SULF2: variants seen among roughly 807,000 people sequenced by gnomAD.
SULF2 encodes the protein extracellular sulfatase Sulf-2.
A neutral mutation model predicts 107.7 loss-of-function variants in SULF2; 52 were observed. That is an observed-to-expected ratio of 0.48 (90% CI 0.39 to 0.61). The LOEUF is 0.61. Among genes scored for constraint, SULF2 ranks in the 20% least tolerant of loss-of-function variants. The pLI, the probability that SULF2 is intolerant of heterozygous loss-of-function variation, is 0.00. For missense variants in SULF2, 993 were observed against 1,177.3 expected (o/e 0.84, Z 2.29); for synonymous variants, 460 against 464.3 (o/e 0.99, Z 0.12).
At chr20:47,677,633 T>C (rs1318136677) in intron 8 of SULF2, among the ~76,000 whole-genome samples, 1 of 152,176 alleles carries the variant, frequency 6.6e-6, no homozygotes, top group African/African-American at 2.4e-5. Flanking sequence ...TGGGAGTATT[T>C]TCTTCTTTGG....
At chr20:47,688,301 AC>A (rs2088082777) in intron 5 of SULF2, among the ~76,000 whole-genome samples, 1 of 151,892 alleles carries the variant, frequency 6.6e-6, no homozygotes, top group African/African-American at 2.4e-5. Context: ...AAATGATTAT[AC>A]TCCAGAGATG....
rs776975616 is a variant in SULF2, at chr20:47,736,750, T to C, written c.368A>G (p.Glu123Gly). 1.2e-6 allele frequency: 2 copies of C among 1,614,258 alleles called. No homozygotes were observed. The highest frequency in any genetic ancestry group is 3.3e-5 in the Admixed American group (2 of 60,034). Residue 123 changes from glutamate (E) to glycine (G), a missense_variant, in exon 3 of 21, where the codon GAG becomes GGG. By Grantham distance (98) the Glu-to-Gly change is moderately conservative. This residue lies in a region of SULF2 where 388 missense variants were observed against 449.2 expected (regional missense o/e 0.86). Coordinates refer to ENST00000688720, the MANE Select transcript of SULF2 (RefSeq NM_001387048.1). Reference protein sequence around the residue: ...CSSPSWQAQHESRTFAVYLNS... With the variant: ...CSSPSWQAQHGSRTFAVYLNS... ...GAGGTACACGGCAAAGGTGCGGCTC[T>C]CGTGCTGTGCCTGCCAGGAGGGCGA...
At position 47,666,469 on chromosome 20, in the gene SULF2, G is replaced by A; in HGVS notation, c.1596C>T (p.Val532=). The change falls in exon 12 of 21, where the codon GTC becomes GTT. Residue 532 remains valine (V), a synonymous_variant. Transcript: ENST00000688720. This position sits in a 1 kb window ranked among gnomAD's most constrained non-coding sequence, Gnocchi z 5.4. Reference sequence around the variant, plus strand: ...CCACTGAGCGGATGGAGCGACTGCGGACATAGCTGGCCTTGTACTCTGTGG... The same window carrying A: ...CCACTGAGCGGATGGAGCGACTGCGAACATAGCTGGCCTTGTACTCTGTGG... The part of the protein sequence containing the change: ...LFKKKYKASY[V]RSRSIRSVAI... 1 of 1,613,310 alleles carries A rather than the reference G, an allele frequency of 6.2e-7. No homozygotes were observed. The highest frequency in any genetic ancestry group is 1.7e-4 in the Middle Eastern group (1 of 5,982).
At chr20:47,745,779 C>T (rs1265649031) in intron 2 of SULF2, among the ~76,000 whole-genome samples, 1 of 152,012 alleles carries the variant, frequency 6.6e-6, no homozygotes, top group African/African-American at 2.4e-5. Context: ...ATCCACCTGC[C>T]TTGACCTCCC....
intron 4 of SULF2, among the ~76,000 whole-genome samples, chr20:47,693,628 T>C (rs1209842513): frequency 6.6e-6 from 1 of 152,248 alleles, no homozygotes; most frequent in Non-Finnish European, 1.5e-5. Flanking sequence ...ATGTGTATGA[T>C]ATGATATCAT....
chr20:47,742,550 T>C (rs2089909438), intron 2 of SULF2, among the ~76,000 whole-genome samples: 1 of 152,122 alleles, frequency 6.6e-6, no homozygotes, highest in Non-Finnish European at 1.5e-5. Flanking sequence ...ACTGCTAGAA[T>C]GCAGTTTCTC....
intron 10 of SULF2, among the ~76,000 whole-genome samples, chr20:47,674,126 C>G (rs1354729077): frequency 1.3e-5 from 2 of 152,236 alleles, no homozygotes; most frequent in Non-Finnish European, 2.9e-5. Flanking sequence ...AAAGCAAGAA[C>G]AAAAACAAAT....
intron 2 of SULF2, among the ~76,000 whole-genome samples, chr20:47,740,285 C>T (rs181875998): frequency 1.6e-4 from 24 of 152,248 alleles, no homozygotes; most frequent in South Asian, 4.1e-4. Flanking sequence ...CTAGCAGAGG[C>T]GGGGTGCTGA....
At chr20:47,659,814 C>T (rs2087008242) in intron 18 of SULF2, 84 bp from the exon 19 acceptor site, 6 of 1,062,438 alleles carry the variant, frequency 5.6e-6, no homozygotes, top group Non-Finnish European at 8.7e-6. Context: ...CCATCTTATG[C>T]TTTTTTGTCA....
Position 47,658,254 on chromosome 20 carries a change from C to T in SULF2, c.*108G>A. On this transcript the variant is annotated 3_prime_UTR_variant, in exon 21 of 21. Transcript: ENST00000688720. Reference sequence around the variant, plus strand: ...GAGAGTGCGTGCTTGCTTTCTCAGGCCTCCTGGCCAATACCACAGGTCTGC... The same window carrying T: ...GAGAGTGCGTGCTTGCTTTCTCAGGTCTCCTGGCCAATACCACAGGTCTGC... The T allele has an allele frequency of 1.7e-6, 2 of 1,176,390 alleles. No individual in the cohort carries two copies. Among genetic ancestry groups the T allele is most frequent in the Non-Finnish European group, 2.6e-6 (2 of 782,088 alleles). 72.9% of individuals were successfully genotyped at this position (1,176,390 alleles called of 1,614,324 possible). A position where few individuals can be genotyped will look rare whatever the true frequency, so the allele number is the denominator to read the frequency against.
chr20:47,685,690 GT>G (rs2087977650), intron 5 of SULF2: 2 of 151,580 alleles, frequency 1.3e-5, no homozygotes, highest in Non-Finnish European at 2.9e-5. Flanking sequence ...AATTCTTGTA[GT>G]TTTAGTAGAG....
chr20:47,783,353 C>G (rs1317391108), intron 1 of SULF2, among the ~76,000 whole-genome samples: 1 of 152,188 alleles, frequency 6.6e-6, no homozygotes, highest in East Asian at 1.9e-4. Context: ...GCCTGGTTAA[C>G]CCAGCTGCCC....
chr20:47,774,909 G>A (rs6090731), intron 1 of SULF2, among the ~76,000 whole-genome samples: 11,054 of 152,178 alleles, frequency 0.073, 544 homozygotes, highest in African/African-American at 0.13. Context: ...TGCATTTGTC[G>A]CATTGGGATG....
At chr20:47,703,946 T>C (rs976658993) in intron 3 of SULF2, among the ~76,000 whole-genome samples, 11 of 152,088 alleles carry the variant, frequency 7.2e-5, no homozygotes, top group African/African-American at 9.7e-5. Flanking sequence ...CTATGTGAAA[T>C]TTGAGAACAG....
At chr20:47,751,431 G>A (rs2090155392) in intron 2 of SULF2, among the ~76,000 whole-genome samples, 1 of 152,226 alleles carries the variant, frequency 6.6e-6, no homozygotes, top group African/African-American at 2.4e-5. Context: ...TTGACCAGAA[G>A]TCCCAGACAG....
intron 1 of SULF2, among the ~76,000 whole-genome samples, chr20:47,777,377 C>T (rs1000621364): frequency 6.6e-6 from 1 of 151,238 alleles, no homozygotes. Context: ...GGAGTCCTGT[C>T]CTATAGTCCC....
Position 47,661,875 on chromosome 20 carries a change from G to A in SULF2, c.2392C>T (p.Leu798=), listed in dbSNP as rs747870020. Residue 798 remains leucine, a synonymous_variant, in exon 18 of 21, where the codon CTG becomes TTG. Transcript: ENST00000688720. Reference sequence around the variant, plus strand: ...AGCTGGTTGAGGACATCCCTGTCCAGTGTGTTCACTGCATTCATCAGCTGG... The same window carrying A: ...AGCTGGTTGAGGACATCCCTGTCCAATGTGTTCACTGCATTCATCAGCTGG... The part of the protein sequence containing the change: ...PYQLMNAVNT[L]DRDVLNQLHV... The A allele has an allele frequency of 1.3e-6, 2 of 1,581,230 alleles. No individual in the cohort carries two copies. The highest frequency in any genetic ancestry group is 1.7e-6 in the Non-Finnish European group (2 of 1,158,080).
At chr20:47,693,399 C>G (rs2088268715) in intron 4 of SULF2, among the ~76,000 whole-genome samples, 1 of 152,184 alleles carries the variant, frequency 6.6e-6, no homozygotes, top group Non-Finnish European at 1.5e-5. Flanking sequence ...CTCTTCATAA[C>G]AGACTCATCT....
intron 3 of SULF2, among the ~76,000 whole-genome samples, chr20:47,707,379 T>C (rs2088779873): frequency 6.6e-6 from 1 of 152,174 alleles, no homozygotes; most frequent in Non-Finnish European, 1.5e-5. Flanking sequence ...TTATCTCCCC[T>C]ACACCAGACA....
Sources: gnomAD v4.1 joint callset for allele counts (sites outside exome capture counted in the v4.1 genomes callset) on GRCh38, gnomAD v4.1.1 for gene constraint, gnomAD v4.1.1 regional missense constraint, Gnocchi (gnomAD v3.1) non-coding constraint, MANE v1.5 for transcripts, NCBI Gene and HGNC (gene_info 2026-07-23, HGNC 2026-07-21) for gene names.